TULP4: variants seen among roughly 807,000 people sequenced by gnomAD.
TULP4 encodes TUB like protein 4.
In TULP4, 16 loss-of-function variants were observed where a neutral mutation model predicts 129.0. The observed-to-expected ratio is 0.12, with a 90% CI of 0.08 to 0.19. TULP4 has a LOEUF of 0.19. Among genes scored for constraint, TULP4 ranks in the 10% least tolerant of loss-of-function variants. The pLI is 1.00. For synonymous variants in TULP4, 998 were observed against 854.0 expected, an observed-to-expected ratio of 1.17 and a Z score of -2.94; for missense variants, 1,842 against 2,059.1, an observed-to-expected ratio of 0.89 and a Z score of 2.04.
chr6:158,322,587 A>G (rs1056413904), intron 1 of TULP4, among the ~76,000 whole-genome samples: 1 of 152,186 alleles, frequency 6.6e-6, no homozygotes, highest in African/African-American at 2.4e-5. Context: ...CAGTCCTTAC[A>G]ATACCACTTA....
At chr6:158,480,766 A>G (rs1240938910) in intron 7 of TULP4, among the ~76,000 whole-genome samples, 1 of 152,016 alleles carries the variant, frequency 6.6e-6, no homozygotes, top group African/African-American at 2.4e-5. Flanking sequence ...ATTATATAGC[A>G]TTGGAAAATA....
chr6:158,480,814 TTGTC>T (rs1339197222), intron 7 of TULP4, among the ~76,000 whole-genome samples: 1 of 152,178 alleles, frequency 6.6e-6, no homozygotes, highest in South Asian at 2.1e-4. Context: ...CCTGATTTCA[TTGTC>T]TGATGTGGGA....
At chr6:158,490,181 A>G (rs557491283) in intron 9 of TULP4, among the ~76,000 whole-genome samples, 3 of 152,168 alleles carry the variant, frequency 2.0e-5, no homozygotes, top group Non-Finnish European at 4.4e-5. Context: ...GTGGATCACG[A>G]AGTCAAGAGA....
At chr6:158,342,142 T>A (rs12527722) in intron 1 of TULP4, among the ~76,000 whole-genome samples, 26,319 of 152,268 alleles carry the variant, frequency 0.17, 2,699 homozygotes, top group Middle Eastern at 0.26. Context: ...GGTCTTGAAC[T>A]CTTGACCTCA....
intron 1 of TULP4, among the ~76,000 whole-genome samples, chr6:158,407,788 G>A (rs1182312403): frequency 6.6e-6 from 1 of 152,220 alleles, no homozygotes; most frequent in African/African-American, 2.4e-5. Flanking sequence ...AGGCAAATCT[G>A]TAACAACAGA....
intron 1 of TULP4, among the ~76,000 whole-genome samples, chr6:158,344,820 C>A (rs1780264086): frequency 6.6e-6 from 1 of 152,156 alleles, no homozygotes; most frequent in African/African-American, 2.4e-5. Flanking sequence ...ATGAGTAACT[C>A]AATGAGGAAG....
At chr6:158,469,246 G>A (rs1280592587) in intron 6 of TULP4, among the ~76,000 whole-genome samples, 1 of 151,918 alleles carries the variant, frequency 6.6e-6, no homozygotes, top group Non-Finnish European at 1.5e-5. Flanking sequence ...CTGTGAGGAG[G>A]AGGAGGTCAG....
intron 2 of TULP4, among the ~76,000 whole-genome samples, chr6:158,421,824 G>A (rs1191517252): frequency 2.6e-5 from 4 of 152,236 alleles, no homozygotes; most frequent in Non-Finnish European, 4.4e-5. Flanking sequence ...AGTAAATCAT[G>A]ATATATAGTG....
At chr6:158,292,464 C>T (rs1207507225) in intron 1 of TULP4, among the ~76,000 whole-genome samples, 1 of 152,088 alleles carries the variant, frequency 6.6e-6, no homozygotes, top group Non-Finnish European at 1.5e-5. Context: ...CTATACTTTC[C>T]TGCAAGTCCA....
At position 158,314,141 on chromosome 6, in the gene TULP4, A is replaced by G; in HGVS notation, c.125A>G (p.Glu42Gly). 3 of 1,614,166 alleles carry G rather than the reference A, an allele frequency of 1.9e-6. No homozygotes were observed. Among genetic ancestry groups the G allele is most frequent in the Non-Finnish European group, 2.5e-6 (3 of 1,180,030 alleles). The change falls in exon 1 of 14, where the codon GAG becomes GGG. Residue 42 changes from glutamate (E) to glycine (G), a missense_variant. Around this residue, in one of 5 missense-constraint regions of TULP4, gnomAD observed 151 missense variants for 268.7 expected, o/e 0.56. Transcript: ENST00000367097. Reference protein sequence around the residue: ...EKPVCRRRYYEEGWLATGNGR... With the variant: ...EKPVCRRRYYGEGWLATGNGR... ...CCTGTGTGCAGGAGACGCTACTATG[A>G]GGAAGGCTGGCTGGCCACGGGCAAC...
chr6:158,386,463 CCT>C (rs1181017841), intron 1 of TULP4, among the ~76,000 whole-genome samples: 1 of 151,954 alleles, frequency 6.6e-6, no homozygotes, highest in Non-Finnish European at 1.5e-5. Context: ...ATACTGTAGC[CCT>C]GTTTCAAAGA....
intron 1 of TULP4, chr6:158,242,459 CA>C: frequency 5.2e-6 from 5 of 968,994 alleles, no homozygotes; most frequent in Non-Finnish European, 8.4e-6. Context: ...CATAGTGTTC[CA>C]AACGGTGTAA....
At chr6:158,363,876 A>T (rs969392432) in intron 1 of TULP4, among the ~76,000 whole-genome samples, 1 of 152,212 alleles carries the variant, frequency 6.6e-6, no homozygotes, top group South Asian at 2.1e-4. Flanking sequence ...ATAGTGAAAT[A>T]ATGTCATATG....
Position 158,444,166 on chromosome 6 carries a change from G to A in TULP4, c.544-4830G>A, listed in dbSNP as rs376453976. Reference sequence around the variant, plus strand: ...ACCTGGGAGGCAGAGGTTGCAGTGAGCCAAGATTGCACCACTGTACTCCAG... The same window carrying A: ...ACCTGGGAGGCAGAGGTTGCAGTGAACCAAGATTGCACCACTGTACTCCAG... On this transcript the variant is annotated intron_variant, in intron 3 of 13. Transcript: ENST00000367097. Among the ~76,000 whole-genome samples the A allele has an allele frequency of 9.6e-4, 113 of 117,698 alleles. 1 individual carries two copies. Among genetic ancestry groups the A allele is most frequent in the African/African-American group, 3.3e-3 (101 of 30,248 alleles). 77.2% of individuals were successfully genotyped at this position (117,698 alleles called of 152,430 possible).
intron 5 of TULP4, among the ~76,000 whole-genome samples, chr6:158,457,542 G>C (rs1051410224): frequency 3.9e-5 from 6 of 152,058 alleles, no homozygotes; most frequent in African/African-American, 1.4e-4. Flanking sequence ...CTTTGCTTGG[G>C]GTTTTTACCC....
chr6:158,314,340 T>G (rs1439798666), intron 1 of TULP4, 72 bp downstream of exon 1: 4 of 1,538,414 alleles, frequency 2.6e-6, no homozygotes, highest in Admixed American at 1.8e-5. Flanking sequence ...GACTTGAAAC[T>G]TCCTTCATTT....
intron 8 of TULP4, among the ~76,000 whole-genome samples, chr6:158,487,365 A>G (rs1400057164): frequency 6.6e-6 from 1 of 152,084 alleles, no homozygotes; most frequent in Admixed American, 6.5e-5. Context: ...GCTTGAATCC[A>G]GGAGGTGGAG....
At chr6:158,485,858 A>G (rs1365545280) in intron 8 of TULP4, among the ~76,000 whole-genome samples, 1 of 152,218 alleles carries the variant, frequency 6.6e-6, no homozygotes, top group Non-Finnish European at 1.5e-5. Context: ...TGGAATGGGA[A>G]TGTCTATTCT....
intron 1 of TULP4, among the ~76,000 whole-genome samples, chr6:158,290,567 T>C (rs1778919991): frequency 6.6e-6 from 1 of 152,168 alleles, no homozygotes; most frequent in Non-Finnish European, 1.5e-5. Context: ...GGATTGATTT[T>C]GGTCTCCCCT....
Sources: gnomAD v4.1 joint callset for allele counts (sites outside exome capture counted in the v4.1 genomes callset) on GRCh38, gnomAD v4.1.1 for gene constraint, gnomAD v4.1.1 regional missense constraint, MANE v1.5 for transcripts, NCBI Gene and HGNC (gene_info 2026-07-23, HGNC 2026-07-21) for gene names.